NTRK3: variants seen among roughly 807,000 people sequenced by gnomAD.
NTRK3 encodes the protein NT-3 growth factor receptor.
In NTRK3, 24 loss-of-function variants were observed where a neutral mutation model predicts 91.7. That is an observed-to-expected ratio of 0.26 (90% CI 0.19 to 0.37). The LOEUF is 0.37. Ranked by LOEUF, NTRK3 falls within the 10% of genes least tolerant of loss-of-function variation. NTRK3 has a pLI of 1.00. For synonymous variants in NTRK3, 483 were observed against 404.0 expected, an observed-to-expected ratio of 1.20 and a Z score of -2.34; for missense variants, 880 against 1,068.9, an observed-to-expected ratio of 0.82 and a Z score of 2.46.
intron 17 of NTRK3, among the ~76,000 whole-genome samples, chr15:87,886,676 C>CATATATATATATATATA (rs2065554047): frequency 9.9e-6 from 1 of 101,204 alleles, no homozygotes; most frequent in Non-Finnish European, 2.0e-5. Context: ...CCACTTTTTG[C>CATATATATATATATATA]TATATATATA....
chr15:87,914,012 G>A (rs747849748), intron 17 of NTRK3, among the ~76,000 whole-genome samples: 3 of 152,192 alleles, frequency 2.0e-5, no homozygotes, highest in South Asian at 2.1e-4. Flanking sequence ...GGAGGATTTA[G>A]GCAAAAGACA....
intron 5 of NTRK3, among the ~76,000 whole-genome samples, chr15:88,177,566 T>G (rs2046111830): frequency 6.6e-6 from 1 of 152,208 alleles, no homozygotes; most frequent in African/African-American, 2.4e-5. Flanking sequence ...ATTTGATGGA[T>G]GGTACCACTT....
At chr15:88,021,934 A>T (rs1290634766) in intron 14 of NTRK3, among the ~76,000 whole-genome samples, 2 of 152,138 alleles carry the variant, frequency 1.3e-5, no homozygotes, top group Non-Finnish European at 2.9e-5. Flanking sequence ...TGGGAGAAGG[A>T]GATCTTTTTC....
intron 14 of NTRK3, among the ~76,000 whole-genome samples, chr15:87,984,308 ATG>A (rs1297238065): frequency 6.6e-6 from 1 of 152,182 alleles, no homozygotes; most frequent in African/African-American, 2.4e-5. Flanking sequence ...TCATAGACAC[ATG>A]TCTCTTGCTT....
intron 14 of NTRK3, among the ~76,000 whole-genome samples, chr15:88,014,877 A>C (rs2077121660): frequency 6.6e-6 from 1 of 152,260 alleles, no homozygotes. Context: ...AAATATGCAC[A>C]ACAAATCAAG....
rs957542698 is a variant in NTRK3 at position 88,056,212 on chromosome 15, T to TTA, written c.1397-23168_1397-23167insTA. 3.0e-4 allele frequency among the ~76,000 whole-genome samples: 38 copies of TTA among 125,044 alleles called. 1 individual carries two copies. In the East Asian group the frequency reaches 8.0e-3, roughly 26 times the overall value. The allele number at this position is 125,044 out of a possible 152,430, so 82.0% of individuals were successfully genotyped here. A position where few individuals can be genotyped will look rare whatever the true frequency, so the allele number is the denominator to read the frequency against. On this transcript the variant is annotated intron_variant, in intron 13 of 18. Coordinates refer to ENST00000394480, the Ensembl canonical transcript of NTRK3. ...TATATATATATATATATTTTTTTTT[T>TTA]AATGTAGAACCTTGATCATATGGAA...
In NTRK3 at chr15:88,026,441, G is replaced by C. The variant is rs565198818; in HGVS notation, c.1585+6416C>G. 3.3e-5 allele frequency among the ~76,000 whole-genome samples: 5 copies of C among 152,280 alleles called. No individual in the cohort carries two copies. The South Asian group carries it at 1.0e-3, about 32-fold the overall frequency. On this transcript the variant is annotated intron_variant, in intron 14 of 18. Coordinates refer to ENST00000394480, the Ensembl canonical transcript of NTRK3. ...GACATGTGGAAAAGACAACACTATAGAGACAGTAGAAAGATCAGTGGTCGC... is the reference window on the plus strand; with the variant it reads ...GACATGTGGAAAAGACAACACTATACAGACAGTAGAAAGATCAGTGGTCGC...
intron 5 of NTRK3, among the ~76,000 whole-genome samples, chr15:88,154,110 CAAAAAAA>C (rs397736752): frequency 2.3e-5 from 2 of 86,640 alleles, no homozygotes; most frequent in African/African-American, 4.0e-5. Flanking sequence ...ATAGACTTTG[CAAAAAAA>C]AAAAAAAAAA....
chr15:88,154,513 G>A (rs551430919), intron 5 of NTRK3, among the ~76,000 whole-genome samples: 1 of 152,316 alleles, frequency 6.6e-6, no homozygotes, highest in Non-Finnish European at 1.5e-5. Context: ...TTAAATTGCT[G>A]TAAAATGGGG....
intron 3 of NTRK3, among the ~76,000 whole-genome samples, chr15:88,219,093 C>T (rs12915706): frequency 0.78 from 117,991 of 152,182 alleles, 47,823 homozygotes; most frequent in East Asian, 0.96. Context: ...ACAATCTGCA[C>T]GCATGAAGGA....
chr15:88,193,620 G>A (rs141691949), intron 3 of NTRK3, among the ~76,000 whole-genome samples: 81 of 152,262 alleles, frequency 5.3e-4, no homozygotes, highest in South Asian at 2.1e-3. Flanking sequence ...ACCACTAGGC[G>A]AATAAATGAA....
chr15:87,878,153 G>A (rs921989030), intron 18 of NTRK3, among the ~76,000 whole-genome samples: 4 of 152,104 alleles, frequency 2.6e-5, no homozygotes, highest in African/African-American at 7.2e-5. Flanking sequence ...CACTGACCCC[G>A]AACTTCAGTT....
At chr15:88,108,039 G>A (rs2050901249) in intron 13 of NTRK3, among the ~76,000 whole-genome samples, 2 of 152,168 alleles carry the variant, frequency 1.3e-5, no homozygotes, top group South Asian at 4.1e-4. Context: ...GCTGACAGTA[G>A]CCCATAGGCA....
Position 88,255,874 on chromosome 15 carries a change from G to C in NTRK3, c.248+32C>G, listed in dbSNP as rs375429955. On this transcript the variant is annotated intron_variant, in intron 3 of 18. Coordinates refer to ENST00000394480, the Ensembl canonical transcript of NTRK3. This position sits in a 1 kb window ranked among gnomAD's most constrained non-coding sequence, Gnocchi z 4.3. ...CAGGAGGGAGACGCAGAGCGCGGGG[G>C]AGGCAGGCTGGGGAGCGGCCGCCTG... 2 of 1,586,332 alleles carry C rather than the reference G, an allele frequency of 1.3e-6. No homozygotes were observed.
At chr15:87,939,588 G>A (rs1022797582) in intron 15 of NTRK3, among the ~76,000 whole-genome samples, 1 of 152,158 alleles carries the variant, frequency 6.6e-6, no homozygotes, top group Non-Finnish European at 1.5e-5. Context: ...TGAAGAAACA[G>A]GAACTGCATT....
intron 17 of NTRK3, among the ~76,000 whole-genome samples, chr15:87,901,790 A>G (rs2066473512): frequency 6.6e-6 from 1 of 151,794 alleles, no homozygotes; most frequent in African/African-American, 2.4e-5. Flanking sequence ...AGAAAGGGAG[A>G]GAGGAAGGGA....
chr15:88,086,362 T>TA (rs2048498234), intron 13 of NTRK3, among the ~76,000 whole-genome samples: 2 of 152,256 alleles, frequency 1.3e-5, no homozygotes, highest in South Asian at 4.1e-4. Flanking sequence ...GCTGTAATTA[T>TA]AAAAACATGC....
chr15:87,879,346 G>A (rs915300791), intron 18 of NTRK3, among the ~76,000 whole-genome samples: 1 of 152,216 alleles, frequency 6.6e-6, no homozygotes, highest in Non-Finnish European at 1.5e-5. Context: ...GGTCGACTGG[G>A]TTGAAAGACT....
intron 14 of NTRK3, among the ~76,000 whole-genome samples, chr15:87,965,792 A>T (rs946266566): frequency 2.0e-5 from 3 of 152,182 alleles, no homozygotes; most frequent in Non-Finnish European, 4.4e-5. Flanking sequence ...TAAGAACTCC[A>T]TTAGGCTGAG....
Sources: gnomAD v4.1 joint callset for allele counts (sites outside exome capture counted in the v4.1 genomes callset) on GRCh38, gnomAD v4.1.1 for gene constraint, Gnocchi (gnomAD v3.1) non-coding constraint, MANE v1.5 for transcripts, NCBI Gene and HGNC (gene_info 2026-07-23, HGNC 2026-07-21) for gene names.